ASB3: variants seen among roughly 807,000 people sequenced by gnomAD.
ASB3 encodes ankyrin repeat and SOCS box containing 3.
Under a neutral mutation model 54.5 loss-of-function variants are expected in ASB3, and 41 were observed. The observed-to-expected ratio is 0.75, with a 90% CI of 0.59 to 0.98. The LOEUF (loss-of-function observed/expected upper bound fraction) is 0.98, where lower values mean the gene tolerates loss of function less well. Ranked by LOEUF, ASB3 falls within the 50% of genes least tolerant of loss-of-function variation. The pLI, the probability that ASB3 is intolerant of heterozygous loss-of-function variation, is 0.00. For synonymous variants in ASB3, 266 were observed against 221.2 expected, an observed-to-expected ratio of 1.20 and a Z score of -1.80; for missense variants, 733 against 620.0, an observed-to-expected ratio of 1.18 and a Z score of -1.94.
At chr2:53,726,615 T>C (rs184642760) in intron 5 of ASB3, among the ~76,000 whole-genome samples, 107 of 151,304 alleles carry the variant, frequency 7.1e-4, no homozygotes, top group Middle Eastern at 3.5e-3. Context: ...CACATATATA[T>C]ACACACATAT....
chr2:53,740,280 T>C (rs1371796472), intron 3 of ASB3, among the ~76,000 whole-genome samples: 2 of 152,218 alleles, frequency 1.3e-5, no homozygotes, highest in African/African-American at 4.8e-5. Flanking sequence ...AAAACTTTTT[T>C]CCCCCACCTC....
chr2:53,783,504 T>C (rs545394494), intron 1 of ASB3, among the ~76,000 whole-genome samples: 32 of 152,036 alleles, frequency 2.1e-4, no homozygotes, highest in African/African-American at 7.7e-4. Flanking sequence ...ATAGGATTCA[T>C]AGAGTGCCAA....
intron 3 of ASB3, among the ~76,000 whole-genome samples, chr2:53,745,938 ATTTTG>A (rs1440356265): frequency 1.3e-5 from 2 of 152,140 alleles, no homozygotes; most frequent in African/African-American, 4.8e-5. Flanking sequence ...ATTATTTTGG[ATTTTG>A]TTTTAATTTT....
chr2:53,676,977 C>T (rs1194055016), intron 9 of ASB3, among the ~76,000 whole-genome samples: 2 of 152,084 alleles, frequency 1.3e-5, no homozygotes, highest in African/African-American at 4.8e-5. Flanking sequence ...CCATGTTGGC[C>T]AGGCTGGTCT....
intron 7 of ASB3, among the ~76,000 whole-genome samples, chr2:53,703,907 A>G (rs1247453289): frequency 1.3e-5 from 2 of 152,244 alleles, no homozygotes; most frequent in African/African-American, 4.8e-5. Context: ...AACTTATACC[A>G]TTAAACTTAC....
At chr2:53,767,996 C>T (rs1383545571) in intron 1 of ASB3, 3 of 1,611,322 alleles carry the variant, frequency 1.9e-6, no homozygotes, top group East Asian at 4.5e-5. Flanking sequence ...CAGGGCAGCA[C>T]GGACCACCGC....
chr2:53,727,492 T>C (rs1052657423), intron 5 of ASB3, among the ~76,000 whole-genome samples: 1 of 151,988 alleles, frequency 6.6e-6, no homozygotes, highest in Non-Finnish European at 1.5e-5. Flanking sequence ...TTTAATTAGC[T>C]GGGCATGGTG....
intron 9 of ASB3, among the ~76,000 whole-genome samples, chr2:53,674,802 GTC>G (rs1423707526): frequency 1.3e-5 from 2 of 151,796 alleles, no homozygotes; most frequent in East Asian, 1.9e-4. Context: ...TACTTGTGTT[GTC>G]TCTCTCATTG....
intron 2 of ASB3, among the ~76,000 whole-genome samples, chr2:53,753,650 C>G (rs992094404): frequency 1.4e-5 from 2 of 144,324 alleles, no homozygotes; most frequent in African/African-American, 5.1e-5. Flanking sequence ...CTCTTTCTTT[C>G]TGTTTTTTTT....
intron 5 of ASB3, among the ~76,000 whole-genome samples, chr2:53,719,597 C>G (rs1447000159): frequency 6.6e-6 from 1 of 151,692 alleles, no homozygotes; most frequent in African/African-American, 2.4e-5. Context: ...CCCCCCTTCA[C>G]CCAGAGACAT....
At position 53,786,930 on chromosome 2, in the gene ASB3, G is replaced by C; in HGVS notation, c.-123C>G. The C allele has an allele frequency of 2.4e-6, 1 of 410,230 alleles. No individual in the cohort carries two copies. The highest frequency in any genetic ancestry group is 4.4e-6 in the Non-Finnish European group (1 of 229,836). The allele number at this position is 410,230 out of a possible 1,614,324, so 25.4% of individuals were successfully genotyped here. Reference sequence around the variant, plus strand: ...CCCCACCGCGATGCTGCAGCCGTCCGAAAACGAGAGACGCGCAGGCGACGT... The same window carrying C: ...CCCCACCGCGATGCTGCAGCCGTCCCAAAACGAGAGACGCGCAGGCGACGT... On this transcript the variant is annotated 5_prime_UTR_variant, in exon 1 of 10. Coordinates refer to ENST00000263634, the MANE Select transcript of ASB3 (RefSeq NM_016115.5).
chr2:53,692,340 G>C (rs534700639), intron 9 of ASB3, among the ~76,000 whole-genome samples: 1 of 152,170 alleles, frequency 6.6e-6, no homozygotes, highest in African/African-American at 2.4e-5. Flanking sequence ...ATGTGAGATA[G>C]CAAATGGAGA....
intron 3 of ASB3, among the ~76,000 whole-genome samples, chr2:53,746,836 A>G (rs1289230682): frequency 6.6e-6 from 1 of 151,992 alleles, no homozygotes; most frequent in African/African-American, 2.4e-5. Flanking sequence ...TTTAAATACT[A>G]TATTGGCCAG....
chr2:53,694,029 T>TGTTA lies in ASB3; in HGVS notation c.1239-19_1239-16dup. ...CTGAGTCAATCCTATGTTAGCAAGA[T>TGTTA]GTTAATATAATATTAGAAACAAAAC... On this transcript the variant is annotated splice_polypyrimidine_tract_variant and intron_variant, in intron 8 of 9. Transcript: ENST00000263634. 6.2e-7 allele frequency: 1 copy of TGTTA among 1,611,844 alleles called. No individual in the cohort carries two copies. The highest frequency in any genetic ancestry group is 8.5e-7 in the Non-Finnish European group (1 of 1,178,620).
chr2:53,716,514 T>G, intron 6 of ASB3, 52 bp downstream of exon 6: 6 of 1,579,722 alleles, frequency 3.8e-6, no homozygotes, highest in South Asian at 1.2e-5. Flanking sequence ...GATTTATTCT[T>G]TATTAGCTTT....
At chr2:53,679,632 T>C (rs1668257745) in intron 9 of ASB3, among the ~76,000 whole-genome samples, 1 of 152,194 alleles carries the variant, frequency 6.6e-6, no homozygotes, top group South Asian at 2.1e-4. Context: ...TAAAACATGA[T>C]CAAGCTCCTC....
intron 1 of ASB3, among the ~76,000 whole-genome samples, chr2:53,769,645 A>T (rs926282994): frequency 6.6e-6 from 1 of 152,206 alleles, no homozygotes; most frequent in Admixed American, 6.5e-5. Flanking sequence ...TCGGGAGTTC[A>T]ACACCAGCCT....
intron 9 of ASB3, among the ~76,000 whole-genome samples, chr2:53,677,605 T>C (rs748630212): frequency 2.0e-5 from 3 of 152,236 alleles, no homozygotes; most frequent in Non-Finnish European, 4.4e-5. Context: ...CAGCCAGTTT[T>C]ACTGTGGCAG....
chr2:53,756,662 C>T (rs1672844671), intron 2 of ASB3, among the ~76,000 whole-genome samples: 1 of 152,168 alleles, frequency 6.6e-6, no homozygotes, highest in Non-Finnish European at 1.5e-5. Context: ...GGGTCCCCTC[C>T]CATTGTATGG....
Sources: allele counts gnomAD v4.1 joint callset (sites outside exome capture counted in the v4.1 genomes callset), GRCh38; gene constraint gnomAD v4.1.1; transcripts MANE v1.5; gene names NCBI Gene and HGNC (gene_info 2026-07-23, HGNC 2026-07-21).